Variants in LRIG3 observed in about 807,000 individuals in gnomAD.
The protein encoded by LRIG3 is leucine rich repeats and immunoglobulin like domains 3, also known as leucine-rich repeats and immunoglobulin-like domains protein 3.
Under a neutral mutation model 114.5 loss-of-function variants are expected in LRIG3, and 76 were observed. The ratio of observed to expected loss-of-function variants is 0.66; its 90% CI spans 0.55 to 0.80. LRIG3 has a LOEUF of 0.80. LRIG3 is among the 30% of genes least tolerant of loss of function. LRIG3 has a pLI of 0.00. For missense variants in LRIG3, 1,239 were observed against 1,382.8 expected, an observed-to-expected ratio of 0.90 and a Z score of 1.65; for synonymous variants, 512 against 519.8, an observed-to-expected ratio of 0.98 and a Z score of 0.20.
chr12:58,886,687 T>C, intron 9 of LRIG3, 123 bp downstream of exon 9: 1 of 711,068 alleles, frequency 1.4e-6, no homozygotes, highest in Admixed American at 2.5e-5. Flanking sequence ...GGATCAAGGG[T>C]GGTAACCAGA....
intron 3 of LRIG3, among the ~76,000 whole-genome samples, chr12:58,901,487 T>C (rs566630659): frequency 2.2e-4 from 34 of 152,308 alleles, no homozygotes; most frequent in African/African-American, 7.9e-4. Flanking sequence ...AAATTTACAC[T>C]GAAAATTCAA....
chr12:58,897,390 G>C (rs536893921), intron 3 of LRIG3, among the ~76,000 whole-genome samples: 1 of 152,188 alleles, frequency 6.6e-6, no homozygotes, highest in South Asian at 2.1e-4. Context: ...TTTTAATATA[G>C]AGGTCCTGCA....
chr12:58,914,053 T>C lies in LRIG3; in HGVS notation c.312A>G (p.Lys104=), dbSNP rs201113823. The change falls in exon 3 of 19, where the codon AAA becomes AAG. Residue 104 remains lysine, a synonymous_variant. Transcript: ENST00000320743. The part of the protein sequence containing the change: ...MSHLQSLREV[K]LNNNELETIP... ...TGGTCTCCAATTCATTGTTGTTCAG[T>C]TTCCTACAAATGCCAAAAAAAAAAA... The C allele has an allele frequency of 4.3e-5, 69 of 1,603,096 alleles. No individual in the cohort carries two copies. Among genetic ancestry groups the C allele is most frequent in the South Asian group, 3.4e-4 (30 of 88,160 alleles).
chr12:58,887,982 CAAT>C (rs751727760), intron 7 of LRIG3, 50 bp from the exon 8 acceptor site: 7 of 1,554,550 alleles, frequency 4.5e-6, no homozygotes, highest in Middle Eastern at 1.9e-4. Flanking sequence ...CAATTCAACA[CAAT>C]GATTTGTTTT....
In LRIG3 at chr12:58,920,050, A is replaced by G; in HGVS notation, c.186T>C (p.Arg62=). The change falls in exon 1 of 19, where the codon CGT becomes CGC. Residue 62 remains arginine, a synonymous_variant. Coordinates refer to ENST00000320743, the MANE Select transcript of LRIG3 (RefSeq NM_153377.5). Reference sequence around the variant, plus strand: ...GCTCGGGAAGACGCGCTAGCCGCTTACGACTGCAGTCCAGCAGGTCCCCGA... The same window carrying G: ...GCTCGGGAAGACGCGCTAGCCGCTTGCGACTGCAGTCCAGCAGGTCCCCGA... The part of the protein sequence containing the change: ...RCLGDLLDCS[R]KRLARLPEPL... 1 of 1,553,892 alleles carries G rather than the reference A, an allele frequency of 6.4e-7. No individual in the cohort carries two copies. Among genetic ancestry groups the G allele is most frequent in the Non-Finnish European group, 8.7e-7 (1 of 1,148,918 alleles).
chr12:58,891,481 C>T (rs1565618177), intron 3 of LRIG3, among the ~76,000 whole-genome samples: 1 of 152,144 alleles, frequency 6.6e-6, no homozygotes, highest in Non-Finnish European at 1.5e-5. Context: ...GGTGGCATAC[C>T]AGGCACTCAT....
intron 3 of LRIG3, among the ~76,000 whole-genome samples, chr12:58,899,457 T>C (rs895076676): frequency 1.3e-5 from 2 of 152,134 alleles, no homozygotes; most frequent in Admixed American, 6.5e-5. Context: ...TTCTTTTTTC[T>C]GAGTTTTTCA....
chr12:58,873,960 T>C lies in LRIG3; in HGVS notation c.3115+95A>G, dbSNP rs773166161. The C allele has an allele frequency of 1.1e-5, 16 of 1,433,194 alleles. No individual in the cohort carries two copies. The African/African-American group carries it at 2.0e-4, about 18-fold the overall frequency. The allele number at this position is 1,433,194 out of a possible 1,614,324, so 88.8% of individuals were successfully genotyped here. A position where few individuals can be genotyped will look rare whatever the true frequency, so the allele number is the denominator to read the frequency against. On this transcript the variant is annotated intron_variant, in intron 18 of 18. Transcript: ENST00000320743. ...GCAGCCTCATTCAAGAAACCATTTT[T>C]TACCAGTTTGACATTCAAGGCTGTC... is the stretch of plus-strand genomic sequence containing the variant.
chr12:58,874,476 CA>C lies in LRIG3; in HGVS notation c.2792del (p.Leu931Ter). On this transcript the variant is annotated frameshift_variant, in exon 17 of 19. Transcript: ENST00000320743. LOFTEE classifies it high-confidence loss of function. ...PFLGSTGPMY[L>X]KGNVYGSDPF... ...GATCTGAGCCATACACATTTCCCTTCAAATACATAGGGCCTGTGGATCCCAA... is the reference window on the plus strand; with the variant it reads ...GATCTGAGCCATACACATTTCCCTTCAATACATAGGGCCTGTGGATCCCAA... 1 of 1,614,200 alleles carries C rather than the reference CA, an allele frequency of 6.2e-7. No homozygotes were observed. The highest frequency in any genetic ancestry group is 1.7e-5 in the Admixed American group (1 of 60,032).
intron 3 of LRIG3, among the ~76,000 whole-genome samples, chr12:58,898,042 G>C: frequency 6.6e-6 from 1 of 152,180 alleles, no homozygotes; most frequent in East Asian, 1.9e-4. Context: ...AGCAGCTGTA[G>C]ATTGCACCAT....
At chr12:58,892,139 A>G (rs979631290) in intron 3 of LRIG3, among the ~76,000 whole-genome samples, 5 of 152,234 alleles carry the variant, frequency 3.3e-5, no homozygotes, top group African/African-American at 1.2e-4. Context: ...CAATTTTGTT[A>G]GAAAATGGCA....
chr12:58,907,173 G>A lies in LRIG3; in HGVS notation c.383+6809C>T, dbSNP rs562292871. Among the ~76,000 whole-genome samples the A allele has an allele frequency of 6.2e-4, 94 of 152,222 alleles. 1 individual carries two copies. Among genetic ancestry groups the A allele is most frequent in the Middle Eastern group, 6.8e-3 (2 of 294 alleles). On this transcript the variant is annotated intron_variant, in intron 3 of 18. Coordinates refer to ENST00000320743, the MANE Select transcript of LRIG3 (RefSeq NM_153377.5). ...ACTCCACGTGTGCTATGTCTTTACC[G>A]TCTGTCTTCTCTCTTGTTCAGAGCA...
Position 58,903,257 on chromosome 12 carries a change from G to A in LRIG3, c.383+10725C>T, listed in dbSNP as rs1338040837. Among the ~76,000 whole-genome samples the A allele has an allele frequency of 7.9e-5, 12 of 152,124 alleles. No individual in the cohort carries two copies. The East Asian group carries it at 1.5e-3, about 20-fold the overall frequency. The stretch of plus-strand genomic sequence containing the variant: ...GTTGTTTCCTGACCTTTTAATGATC[G>A]CCATTCTAACTGGTGTGAGATGGTA... On this transcript the variant is annotated intron_variant, in intron 3 of 18. Coordinates refer to ENST00000320743, the MANE Select transcript of LRIG3 (RefSeq NM_153377.5).
intron 3 of LRIG3, among the ~76,000 whole-genome samples, chr12:58,911,865 T>G (rs964825444): frequency 6.6e-6 from 1 of 152,128 alleles, no homozygotes; most frequent in Non-Finnish European, 1.5e-5. Flanking sequence ...GAGAGGTAAA[T>G]TTTTCAAGAT....
chr12:58,889,334 G>A (rs986704117), intron 5 of LRIG3, among the ~76,000 whole-genome samples: 4 of 152,148 alleles, frequency 2.6e-5, no homozygotes, highest in Non-Finnish European at 5.9e-5. Context: ...AGTTTATCCT[G>A]TACAATCTGT....
chr12:58,912,846 A>G (rs930789585), intron 3 of LRIG3, among the ~76,000 whole-genome samples: 1 of 152,260 alleles, frequency 6.6e-6, no homozygotes, highest in Non-Finnish European at 1.5e-5. Flanking sequence ...GACAAAGAAA[A>G]AAGGTATTTA....
chr12:58,876,317 G>A, intron 16 of LRIG3, 128 bp downstream of exon 16: 2 of 900,776 alleles, frequency 2.2e-6, no homozygotes, highest in Admixed American at 2.7e-5. Flanking sequence ...TTTCAACCTT[G>A]CTAGTGATCT....
chr12:58,918,756 C>T (rs1024195360), intron 1 of LRIG3, among the ~76,000 whole-genome samples: 2 of 152,184 alleles, frequency 1.3e-5, no homozygotes, highest in Non-Finnish European at 2.9e-5. Context: ...ATCTCCTCTT[C>T]CAATTGCAAT....
intron 3 of LRIG3, among the ~76,000 whole-genome samples, chr12:58,895,420 G>C (rs551963227): frequency 2.8e-4 from 43 of 152,302 alleles, no homozygotes; most frequent in African/African-American, 1.0e-3. Context: ...AAGGACAGTA[G>C]AGGCTAGTGC....
Sources: allele counts gnomAD v4.1 joint callset (sites outside exome capture counted in the v4.1 genomes callset), GRCh38; gene constraint gnomAD v4.1.1; transcripts MANE v1.5; gene names NCBI Gene and HGNC (gene_info 2026-07-23, HGNC 2026-07-21).